The following ANO1 variants were observed in gnomAD, a reference collection of about 807,000 sequenced individuals.
ANO1 encodes the protein anoctamin-1.
Under a neutral mutation model 124.0 loss-of-function variants are expected in ANO1, and 59 were observed. The observed-to-expected ratio is 0.48, with a 90% confidence interval of 0.39 to 0.59. The LOEUF is 0.59. Among genes scored for constraint, ANO1 ranks in the 20% least tolerant of loss-of-function variants. The probability of loss-of-function intolerance (pLI) is 0.00; values close to 1 mark genes in which losing one functional copy is unlikely to be tolerated. For missense variants in ANO1, 1,059 were observed against 1,328.0 expected (o/e 0.80, Z 3.15); for synonymous variants, 529 against 532.0 (o/e 0.99, Z 0.08).
chr11:70,126,342 G>A, intron 10 of ANO1, 147 bp downstream of exon 10: 1 of 1,086,312 alleles, frequency 9.2e-7, no homozygotes, highest in Non-Finnish European at 1.3e-6. Context: ...CCGTCAGGAG[G>A]AAAGGACATG....
At position 70,161,202 on chromosome 11, in the gene ANO1, C is replaced by T. The variant is rs1472779402; in HGVS notation, c.1620C>T (p.Tyr540=). The part of the protein sequence containing the change: ...TFAIVLGVII[Y]RISMAAALAM... Reference sequence around the variant, plus strand: ...CCATCGTCCTCGGCGTCATCATCTACAGAATCTCCATGGCCGCCGCCTTGG... The same window carrying T: ...CCATCGTCCTCGGCGTCATCATCTATAGAATCTCCATGGCCGCCGCCTTGG... Residue 540 remains tyrosine, a synonymous_variant, in exon 17 of 26, where the codon TAC becomes TAT. Coordinates refer to ENST00000355303, the MANE Select transcript of ANO1 (RefSeq NM_018043.7). 2 of 1,613,922 alleles carry T rather than the reference C, an allele frequency of 1.2e-6. No homozygotes were observed. The highest frequency in any genetic ancestry group is 1.7e-6 in the Non-Finnish European group (2 of 1,179,856).
chr11:70,020,363 A>C (rs1030801234), intron 1 of ANO1, among the ~76,000 whole-genome samples: 12 of 152,070 alleles, frequency 7.9e-5, no homozygotes, highest in African/African-American at 2.9e-4. Context: ...CTCACTCAGG[A>C]CAGCCGCACT....
intron 22 of ANO1, among the ~76,000 whole-genome samples, chr11:70,171,622 A>T (rs1379030842): frequency 6.6e-6 from 1 of 152,198 alleles, no homozygotes; most frequent in Non-Finnish European, 1.5e-5. Context: ...CACCTTGACC[A>T]TGTGGAGAAG....
intron 10 of ANO1, among the ~76,000 whole-genome samples, chr11:70,130,268 C>T (rs12287676): frequency 4.6e-5 from 7 of 152,168 alleles, no homozygotes; most frequent in African/African-American, 1.4e-4. Context: ...TTTTCCAGAA[C>T]GAAAAACTGA....
At chr11:70,130,510 C>T (rs2046710521) in intron 10 of ANO1, among the ~76,000 whole-genome samples, 1 of 152,180 alleles carries the variant, frequency 6.6e-6, no homozygotes, top group African/African-American at 2.4e-5. Context: ...TTGCAACAGT[C>T]CCCAGTGCTG....
the ANO1 span, among the ~76,000 whole-genome samples, chr11:69,975,390 G>T: frequency 6.6e-6 from 1 of 152,224 alleles, no homozygotes; most frequent in Non-Finnish European, 1.5e-5. Flanking sequence ...AGTCCCCAGA[G>T]GAGAGCTGCC....
intron 21 of ANO1, chr11:70,170,128 G>A (rs1212039603): frequency 2.6e-6 from 1 of 377,486 alleles, no homozygotes; most frequent in Non-Finnish European, 5.3e-6. Flanking sequence ...GAGTCCTGAT[G>A]CAAGGGGAAG....
the ANO1 span, among the ~76,000 whole-genome samples, chr11:69,980,162 G>A: frequency 6.6e-6 from 1 of 152,106 alleles, no homozygotes; most frequent in East Asian, 1.9e-4. Context: ...ACTGAAAGAG[G>A]CCAGTCCCAA....
intron 1 of ANO1, among the ~76,000 whole-genome samples, chr11:69,999,809 A>C (rs911415213): frequency 2.0e-5 from 3 of 152,192 alleles, no homozygotes; most frequent in Non-Finnish European, 4.4e-5. Context: ...CTGAGGATCA[A>C]ACAGGCTGGG....
At chr11:70,019,429 C>G (rs1856762422) in intron 1 of ANO1, among the ~76,000 whole-genome samples, 1 of 152,168 alleles carries the variant, frequency 6.6e-6, no homozygotes, top group South Asian at 2.1e-4. Flanking sequence ...CATTAAGGAA[C>G]AGGACTCGAG....
chr11:70,073,228 G>T (rs770702818), intron 1 of ANO1, among the ~76,000 whole-genome samples: 1 of 151,844 alleles, frequency 6.6e-6, no homozygotes, highest in South Asian at 2.1e-4. Flanking sequence ...TGTCCCCCTC[G>T]GCAGGGTTTC....
At chr11:70,161,070 G>A in intron 16 of ANO1, 91 bp from the exon 17 acceptor site, 1 of 1,210,574 alleles carries the variant, frequency 8.3e-7, no homozygotes, top group South Asian at 1.5e-5. Context: ...CGGGAAGGTT[G>A]GGGGACAGCT....
chr11:70,113,065 G>A lies in ANO1; in HGVS notation c.855+1303G>A, dbSNP rs75494523. Among the ~76,000 whole-genome samples, 769 of 152,132 alleles carry A rather than the reference G, an allele frequency of 5.1e-3. 6 individuals are homozygous for A. The highest frequency in any genetic ancestry group is 6.6e-3 in the Non-Finnish European group (451 of 67,982). ...GGGATTGGGGTGGTTGAGCAGCCCC[G>A]CTTCCTCCCTTCGTGCATTCACACA... On this transcript the variant is annotated intron_variant, in intron 7 of 25. Coordinates refer to ENST00000355303, the MANE Select transcript of ANO1 (RefSeq NM_018043.7).
chr11:70,175,411 G>A (rs1187654648), intron 22 of ANO1, among the ~76,000 whole-genome samples: 1 of 152,236 alleles, frequency 6.6e-6, no homozygotes, highest in Non-Finnish European at 1.5e-5. Context: ...GCCCCCAGGC[G>A]AGCTCCTTGA....
intron 1 of ANO1, among the ~76,000 whole-genome samples, chr11:70,011,652 C>T (rs1856599682): frequency 1.3e-5 from 2 of 152,204 alleles, no homozygotes; most frequent in Non-Finnish European, 2.9e-5. Context: ...TGTTTCCAAA[C>T]ATTAGCAGTT....
At chr11:70,108,180 G>C in intron 5 of ANO1, 173 bp from the exon 6 acceptor site, 1 of 553,962 alleles carries the variant, frequency 1.8e-6, no homozygotes, top group East Asian at 2.8e-5. Context: ...TTGAGAATCC[G>C]GAGCTGGGTC....
intron 24 of ANO1, among the ~76,000 whole-genome samples, chr11:70,183,909 A>G (rs2049016825): frequency 6.6e-6 from 1 of 152,204 alleles, no homozygotes; most frequent in African/African-American, 2.4e-5. Flanking sequence ...TGCTTGTGAC[A>G]TAAGTAAGTG....
intron 15 of ANO1, among the ~76,000 whole-genome samples, 179 bp downstream of exon 15, chr11:70,156,167 G>A (rs1441096817): frequency 1.3e-5 from 2 of 151,978 alleles, no homozygotes; most frequent in African/African-American, 4.8e-5. Flanking sequence ...GCATGGCTAT[G>A]GTGGGTCTGC....
At chr11:70,132,119 T>G in intron 11 of ANO1, 40 bp downstream of exon 11, 1 of 1,544,778 alleles carries the variant, frequency 6.5e-7, no homozygotes, top group Non-Finnish European at 8.7e-7. Context: ...TGGGCAGTGG[T>G]GAGTCTGAGT....
Sources: gnomAD v4.1 joint callset for allele counts (sites outside exome capture counted in the v4.1 genomes callset) on GRCh38, gnomAD v4.1.1 for gene constraint, MANE v1.5 for transcripts, NCBI Gene and HGNC (gene_info 2026-07-23, HGNC 2026-07-21) for gene names.